The following NAALADL2 variants were observed in gnomAD, a reference collection of about 807,000 sequenced individuals.
The protein encoded by NAALADL2 is inactive N-acetylated-alpha-linked acidic dipeptidase-like protein 2.
In NAALADL2, 76 loss-of-function variants were observed where a neutral mutation model predicts 87.2. That is an observed-to-expected ratio of 0.87 (90% confidence interval 0.72 to 1.05). The LOEUF is 1.05. Ranked by LOEUF, NAALADL2 falls within the 50% of genes least tolerant of loss-of-function variation. The probability of loss-of-function intolerance (pLI) is 0.00; values close to 1 mark genes in which losing one functional copy is unlikely to be tolerated. For synonymous variants in NAALADL2, 354 were observed against 331.0 expected, an observed-to-expected ratio of 1.07 and a Z score of -0.75; for missense variants, 1,089 against 945.8, an observed-to-expected ratio of 1.15 and a Z score of -1.99.
chr3:175,778,245 A>G (rs910244615), intron 13 of NAALADL2, among the ~76,000 whole-genome samples: 2 of 152,338 alleles, frequency 1.3e-5, no homozygotes, highest in South Asian at 4.1e-4. Context: ...TGGTTTGACC[A>G]TAAGAATATA....
intron 1 of NAALADL2, among the ~76,000 whole-genome samples, chr3:174,888,149 G>C (rs899355745): frequency 6.6e-6 from 1 of 152,264 alleles, no homozygotes; most frequent in Non-Finnish European, 1.5e-5. Flanking sequence ...ATTGCAGCAA[G>C]AGACAAGACC....
In NAALADL2 at chr3:175,142,486, A is replaced by T. The variant is rs1730143749; in HGVS notation, c.545+45195A>T. ...CATTATCTTAATTTTACAAATGAGA[A>T]AACGTAGTTACAAGTCTGTGAAGTA... On this transcript the variant is annotated intron_variant, in intron 2 of 13. Transcript: ENST00000454872. 4.6e-5 allele frequency among the ~76,000 whole-genome samples: 7 copies of T among 152,196 alleles called. 1 individual carries two copies. The South Asian group carries it at 1.4e-3, about 31-fold the overall frequency.
chr3:175,344,058 C>G (rs1441873340), intron 5 of NAALADL2, among the ~76,000 whole-genome samples: 3 of 152,162 alleles, frequency 2.0e-5, no homozygotes, highest in Admixed American at 1.3e-4. Context: ...TACCGACAAG[C>G]AATCTGTTAT....
chr3:174,942,104 T>C, intron 1 of NAALADL2, among the ~76,000 whole-genome samples: 1 of 152,082 alleles, frequency 6.6e-6, no homozygotes, highest in East Asian at 1.9e-4. Context: ...ATGGTCTGTG[T>C]GTTTATGCAA....
At chr3:175,152,186 A>C (rs1312091399) in intron 2 of NAALADL2, among the ~76,000 whole-genome samples, 1 of 152,192 alleles carries the variant, frequency 6.6e-6, no homozygotes, top group African/African-American at 2.4e-5. Context: ...TGGCACAATA[A>C]TGTAATAAAG....
At chr3:175,300,167 T>C (rs142860355) in intron 4 of NAALADL2, among the ~76,000 whole-genome samples, 1,577 of 152,330 alleles carry the variant, frequency 0.01, 29 homozygotes, top group African/African-American at 0.037. Context: ...AGCTTTTTAA[T>C]GTGCTGCTGG....
At chr3:174,720,833 T>C (rs1249452594) in intron 2 of NAALADL2, among the ~76,000 whole-genome samples, 1 of 152,220 alleles carries the variant, frequency 6.6e-6, no homozygotes, top group South Asian at 2.1e-4. Flanking sequence ...TCGAATGTAG[T>C]ATTTGGCTTC....
chr3:174,926,443 G>A (rs901379452), intron 1 of NAALADL2, among the ~76,000 whole-genome samples: 1 of 151,930 alleles, frequency 6.6e-6, no homozygotes, highest in Non-Finnish European at 1.5e-5. Flanking sequence ...AAATGTTAAG[G>A]GCAGCCAGAG....
intron 9 of NAALADL2, among the ~76,000 whole-genome samples, chr3:175,548,192 A>G (rs1319096725): frequency 6.6e-6 from 1 of 152,196 alleles, no homozygotes; most frequent in Non-Finnish European, 1.5e-5. Flanking sequence ...AAAATGTGGT[A>G]CATATATACC....
chr3:174,889,624 C>T (rs1325253650), intron 1 of NAALADL2, among the ~76,000 whole-genome samples: 3 of 150,582 alleles, frequency 2.0e-5, no homozygotes, highest in Non-Finnish European at 4.4e-5. Context: ...AGTATTTTAT[C>T]GTATAATCCA....
rs138111929 is a variant in NAALADL2 at position 174,543,985 on chromosome 3, G to A, written c.-183-6584G>A. On this transcript the variant is annotated intron_variant, in intron 1 of 3. Transcript: ENST00000434257. ...ATCATGCCAAAGCACTCCAGCCTGG[G>A]TGACAAGAGTGAGACTCTGTCTCCA... Among the ~76,000 whole-genome samples the A allele has an allele frequency of 9.9e-5, 15 of 151,128 alleles. No homozygotes were observed. In the East Asian group the frequency reaches 2.9e-3, roughly 30 times the overall value.
At chr3:174,578,286 A>G (rs1364949589) in intron 2 of NAALADL2, among the ~76,000 whole-genome samples, 1 of 151,970 alleles carries the variant, frequency 6.6e-6, no homozygotes, top group East Asian at 1.9e-4. Flanking sequence ...AATTTTAGGA[A>G]AACAAAACAC....
At chr3:174,469,678 C>G (rs1421639552) in intron 1 of NAALADL2, among the ~76,000 whole-genome samples, 1 of 152,070 alleles carries the variant, frequency 6.6e-6, no homozygotes, top group African/African-American at 2.4e-5. Context: ...GATCCGCCCG[C>G]CTTGGCCCCA....
chr3:174,828,863 T>C (rs932210369), intron 3 of NAALADL2, among the ~76,000 whole-genome samples: 1 of 152,222 alleles, frequency 6.6e-6, no homozygotes, highest in African/African-American at 2.4e-5. Context: ...ATGAGCTATA[T>C]GATGTAGAAC....
intron 1 of NAALADL2, among the ~76,000 whole-genome samples, chr3:174,469,134 C>CT (rs1365867417): frequency 3.3e-5 from 5 of 152,106 alleles, no homozygotes; most frequent in African/African-American, 1.2e-4. Flanking sequence ...GATAAAGGTT[C>CT]TTTGTTCTTT....
chr3:175,072,838 C>A (rs748381104), intron 1 of NAALADL2, among the ~76,000 whole-genome samples: 199 of 149,584 alleles, frequency 1.3e-3, no homozygotes, highest in Middle Eastern at 6.9e-3. Context: ...TAAAGTATAG[C>A]AATAAAAGAA....
At chr3:175,339,083 G>A (rs555141779) in intron 5 of NAALADL2, among the ~76,000 whole-genome samples, 98 of 152,320 alleles carry the variant, frequency 6.4e-4, no homozygotes, top group African/African-American at 2.0e-3. Context: ...GAACAACTGC[G>A]GCAGGCACAC....
At chr3:175,364,136 A>G (rs528858752) in intron 5 of NAALADL2, among the ~76,000 whole-genome samples, 1 of 148,096 alleles carries the variant, frequency 6.8e-6, no homozygotes, top group African/African-American at 2.5e-5. Flanking sequence ...GAAAAGAGTG[A>G]TAAATTTCTG....
At chr3:174,703,982 G>A (rs1729822810) in intron 2 of NAALADL2, among the ~76,000 whole-genome samples, 1 of 152,154 alleles carries the variant, frequency 6.6e-6, no homozygotes, top group African/African-American at 2.4e-5. Flanking sequence ...ACTTGCTGGA[G>A]AAAAGGAGAA....
Sources: gnomAD v4.1 joint callset for allele counts (sites outside exome capture counted in the v4.1 genomes callset) on GRCh38, gnomAD v4.1.1 for gene constraint, MANE v1.5 for transcripts, NCBI Gene and HGNC (gene_info 2026-07-23, HGNC 2026-07-21) for gene names.